The following F11 variants were observed in gnomAD, a reference collection of about 807,000 sequenced individuals.
F11 encodes the protein coagualtion factor XI.
A neutral mutation model predicts 76.5 loss-of-function variants in F11; 78 were observed. The observed-to-expected ratio is 1.02, with a 90% CI of 0.85 to 1.23. The LOEUF (loss-of-function observed/expected upper bound fraction) is 1.23. F11 is among the 50% of genes most tolerant of loss of function. The pLI is 0.00. For missense variants in F11, 742 were observed against 771.4 expected, an observed-to-expected ratio of 0.96 and a Z score of 0.45; for synonymous variants, 278 against 276.3, an observed-to-expected ratio of 1.01 and a Z score of -0.06.
chr4:186,280,692 A>G (rs1472802713), intron 10 of F11, 112 bp downstream of exon 10: 2 of 1,013,576 alleles, frequency 2.0e-6, no homozygotes, highest in African/African-American at 1.6e-5. Flanking sequence ...TCAGGAAATA[A>G]CAAATTTTGC....
At chr4:186,279,867 C>T (rs918278498) in intron 7 of F11, 145 bp from the exon 8 acceptor site, 20 of 706,200 alleles carry the variant, frequency 2.8e-5, no homozygotes, top group African/African-American at 8.8e-5. Context: ...GGTGTAACTC[C>T]GTGGTTTATG....
In F11 at chr4:186,274,132, T is replaced by C; in HGVS notation, c.342T>C (p.Ile114=). ...SHQISACNKD[I]YVDLDMKGIN... is the part of the protein sequence containing the mutation. ...TATTTCCAGCTTGCAACAAAGACAT[T>C]TATGTGGACCTAGACATGAAGGGCA... The change falls in exon 5 of 15, where the codon ATT becomes ATC. Residue 114 remains isoleucine, a synonymous_variant. Transcript: ENST00000403665. The C allele has an allele frequency of 6.2e-7, 1 of 1,614,108 alleles. No individual in the cohort carries two copies.
intron 10 of F11, chr4:186,281,904 G>A (rs748650690): frequency 8.0e-7 from 1 of 1,250,292 alleles, no homozygotes; most frequent in Non-Finnish European, 1.1e-6. Flanking sequence ...TCCAACACTG[G>A]TATCCTAACT....
At chr4:186,285,418 G>C (rs549785380) in intron 11 of F11, among the ~76,000 whole-genome samples, 2 of 152,088 alleles carry the variant, frequency 1.3e-5, no homozygotes, top group Admixed American at 6.6e-5. Flanking sequence ...GTTGGAGCAC[G>C]GAGGGAGTGC....
At chr4:186,269,638 C>T (rs571509641) in intron 2 of F11, among the ~76,000 whole-genome samples, 37 of 152,228 alleles carry the variant, frequency 2.4e-4, no homozygotes, top group African/African-American at 8.4e-4. Flanking sequence ...GGGCACAGAG[C>T]ATCAGCTGGC....
intron 7 of F11, among the ~76,000 whole-genome samples, chr4:186,278,486 C>T (rs763770749): frequency 6.6e-6 from 1 of 152,102 alleles, no homozygotes; most frequent in Non-Finnish European, 1.5e-5. Flanking sequence ...AAAAACTTTG[C>T]CTATTGGACC....
intron 5 of F11, chr4:186,275,232 T>C (rs1740273885): frequency 6.6e-6 from 3 of 455,300 alleles, no homozygotes; most frequent in Non-Finnish European, 1.3e-5. Flanking sequence ...GGCTCACACC[T>C]GTAATCCCAG....
chr4:186,285,832 G>C lies in F11; in HGVS notation c.1480+19G>C. 6.2e-7 allele frequency: 1 copy of C among 1,613,736 alleles called. No individual in the cohort carries two copies. The highest frequency in any genetic ancestry group is 1.1e-5 in the South Asian group (1 of 91,068). On this transcript the variant is annotated intron_variant, in intron 12 of 14. Coordinates refer to ENST00000403665, the MANE Select transcript of F11 (RefSeq NM_000128.4). ...TACACAGGTACGGAGAATTTTATCC[G>C]GAAAGTTGTCTCCAATGGTGAACTG...
chr4:186,266,917 G>A (rs550653460), intron 1 of F11, among the ~76,000 whole-genome samples: 2 of 152,132 alleles, frequency 1.3e-5, no homozygotes, highest in Admixed American at 6.5e-5. Context: ...TGTGGGTTCC[G>A]GCTTCTGCAG....
chr4:186,282,741 C>T (rs1740892303), intron 10 of F11: 1 of 985,260 alleles, frequency 1.0e-6, no homozygotes, highest in Non-Finnish European at 1.2e-6. Flanking sequence ...GAATGTTCAC[C>T]CTTCCGGCTC....
At position 186,267,116 on chromosome 4, in the gene F11, G is replaced by A. The variant is rs1282154332; in HGVS notation, c.-1-20G>A. 2.7e-6 allele frequency: 4 copies of A among 1,497,394 alleles called. No homozygotes were observed. The highest frequency in any genetic ancestry group is 2.3e-5 in the South Asian group (2 of 88,762). 92.8% of individuals were successfully genotyped at this position (1,497,394 alleles called of 1,614,324 possible). A position where few individuals can be genotyped will look rare whatever the true frequency, so the allele number is the denominator to read the frequency against. ...TTTACATTTTATGTTCTAAAAGCAT[G>A]CACCTTTTTCTCATTGTAGGATGAT... is the stretch of plus-strand genomic sequence containing the variant. On this transcript the variant is annotated intron_variant, in intron 1 of 14. Transcript: ENST00000403665.
In F11 at chr4:186,286,641, ATGG is replaced by A; in HGVS notation, c.1576+132_1576+134del. ...AGTTGCAGGAAGCGGATTAATAAAG[ATGG>A]AGAGGCAAAAATCACCCAAGTGAGG... On this transcript the variant is annotated intron_variant, in intron 13 of 14. Transcript: ENST00000403665. 2.7e-6 allele frequency: 4 copies of A among 1,503,802 alleles called. No individual in the cohort carries two copies. In the Admixed American group the frequency reaches 6.4e-5, roughly 24 times the overall value. The allele number at this position is 1,503,802 out of a possible 1,614,324, so 93.2% of individuals were successfully genotyped here.
At chr4:186,286,580 T>C in intron 13 of F11, 70 bp downstream of exon 13, 1 of 1,600,000 alleles carries the variant, frequency 6.3e-7, no homozygotes, top group South Asian at 1.1e-5. Context: ...CCCTGTCAAG[T>C]CATGTAGCTG....
chr4:186,280,583 G>A lies in F11; in HGVS notation c.1135+3G>A. 6.2e-7 allele frequency: 1 copy of A among 1,600,090 alleles called. No homozygotes were observed. The highest frequency in any genetic ancestry group is 8.6e-7 in the Non-Finnish European group (1 of 1,167,346). On this transcript the variant is annotated splice_donor_region_variant and intron_variant, in intron 10 of 14. Transcript: ENST00000403665. The stretch of plus-strand genomic sequence containing the variant: ...AAGGTTGTGTAAAATGGATAATGGT[G>A]AGTATAATGTCACTTGAAAAAATAT...
At chr4:186,283,633 T>C (rs1740958106) in intron 10 of F11, among the ~76,000 whole-genome samples, 2 of 152,210 alleles carry the variant, frequency 1.3e-5, no homozygotes, top group Non-Finnish European at 2.9e-5. Flanking sequence ...GCTTGCCTTT[T>C]CTTTCTAAGA....
intron 7 of F11, among the ~76,000 whole-genome samples, chr4:186,277,987 C>G (rs953111895): frequency 1.3e-5 from 2 of 152,066 alleles, no homozygotes; most frequent in Admixed American, 1.3e-4. Flanking sequence ...TTTGTAGAGA[C>G]AGAGTTTCGC....
In F11 at chr4:186,286,441, T is replaced by A. The variant is rs140068026; in HGVS notation, c.1507T>A (p.Ser503Thr). ...TDSQRPICLP[S>T]KGDRNVIYTD... ...TTCTCAACGACCCATATGCCTGCCT[T>A]CCAAAGGAGATAGAAATGTAATATA... Residue 503 changes from serine (S) to threonine (T), a missense_variant, in exon 13 of 15, where the codon TCC (serine) becomes ACC (threonine). By Grantham distance (58) the Ser-to-Thr change is moderately conservative. Transcript: ENST00000403665. 30 of 1,613,908 alleles carry A rather than the reference T, an allele frequency of 1.9e-5. No individual in the cohort carries two copies. In the African/African-American group the frequency reaches 3.9e-4, roughly 21 times the overall value.
chr4:186,273,163 C>A lies in F11; in HGVS notation c.311C>A (p.Ser104Ter). 1 of 1,612,788 alleles carries A rather than the reference C, an allele frequency of 6.2e-7. No individual in the cohort carries two copies. The highest frequency in any genetic ancestry group is 1.1e-5 in the South Asian group (1 of 91,050). Residue 104 changes from serine to a stop codon, truncating the protein, a stop_gained, in exon 4 of 15, where the codon TCA becomes TAA. Coordinates refer to ENST00000403665, the MANE Select transcript of F11 (RefSeq NM_000128.4). LOFTEE classifies it high-confidence loss of function. ...AISGYSFKQC[S>*]HQISACNKDI... Reference sequence around the variant, plus strand: ...TCTGGGTATTCTTTCAAGCAATGCTCACACCAAATAAGCGGTAAGATATGT... The same window carrying A: ...TCTGGGTATTCTTTCAAGCAATGCTAACACCAAATAAGCGGTAAGATATGT...
At position 186,288,489 on chromosome 4, in the gene F11, G is replaced by A; in HGVS notation, c.1753G>A (p.Glu585Lys). 1 of 1,614,170 alleles carries A rather than the reference G, an allele frequency of 6.2e-7. No individual in the cohort carries two copies. ...AGGCCCTCTGTCCTGCAAACACAATGAGGTCTGGCATCTGGTAGGCATCAC... is the reference window on the plus strand; with the variant it reads ...AGGCCCTCTGTCCTGCAAACACAATAAGGTCTGGCATCTGGTAGGCATCAC... ...SGGPLSCKHN[E>K]VWHLVGITSW... The change falls in exon 15 of 15, where the codon GAG (glutamate) becomes AAG (lysine). Residue 585 changes from glutamate (E) to lysine (K), a missense_variant. By Grantham distance (56) the Glu-to-Lys change is moderately conservative. Coordinates refer to ENST00000403665, the MANE Select transcript of F11 (RefSeq NM_000128.4).
Sources: allele counts gnomAD v4.1 joint callset (sites outside exome capture counted in the v4.1 genomes callset), GRCh38; gene constraint gnomAD v4.1.1; transcripts MANE v1.5; gene names NCBI Gene and HGNC (gene_info 2026-07-23, HGNC 2026-07-21).